LRRC37A3: variants seen among roughly 807,000 people sequenced by gnomAD.
LRRC37A3 encodes the protein leucine rich repeat containing 37 member A3.
LRRC37A3 carries 25 observed loss-of-function variants against 106.2 expected under a neutral mutation model. That is an observed-to-expected ratio of 0.24 (90% CI 0.17 to 0.33). LRRC37A3 has a LOEUF of 0.33. Ranked by LOEUF, LRRC37A3 falls within the 10% of genes least tolerant of loss-of-function variation. The probability of loss-of-function intolerance (pLI) is 1.00; values close to 1 mark genes in which losing one functional copy is unlikely to be tolerated. For synonymous variants in LRRC37A3, 305 were observed against 635.8 expected (o/e 0.48, Z 7.83); for missense variants, 712 against 1,644.9 (o/e 0.43, Z 9.81).
At chr17:64,876,060 G>T (rs1400444385) in intron 8 of LRRC37A3, among the ~76,000 whole-genome samples, 1 of 152,184 alleles carries the variant, frequency 6.6e-6, no homozygotes. Context: ...TTTAGAGATA[G>T]GGTCTCACTA....
Position 64,858,852 on chromosome 17 carries a change from G to A in LRRC37A3, c.4736C>T (p.Thr1579Ile). The change falls in exon 13 of 15, where the codon ACC (threonine) becomes ATC (isoleucine). Residue 1579 changes from threonine to isoleucine, a missense_variant. Transcript: ENST00000584306. The stretch of plus-strand genomic sequence containing the variant: ...AATTAACGCCAAGATGAGTTTTTTG[G>A]TATAGCCATATCCTGGAAGTTCTTT... ...FTKELPGYGY[T>I]KKLILALIVT... 6.2e-7 allele frequency: 1 copy of A among 1,611,864 alleles called. No individual in the cohort carries two copies. The highest frequency in any genetic ancestry group is 8.5e-7 in the Non-Finnish European group (1 of 1,178,760).
intron 8 of LRRC37A3, among the ~76,000 whole-genome samples, chr17:64,878,562 C>T (rs1973588408): frequency 6.6e-6 from 1 of 152,104 alleles, no homozygotes; most frequent in Admixed American, 6.6e-5. Flanking sequence ...ATATAAATGG[C>T]TCATATACAC....
At chr17:64,909,988 G>C (rs1974549568) in intron 2 of LRRC37A3, 1 of 152,106 alleles carries the variant, frequency 6.6e-6, no homozygotes, top group African/African-American at 2.4e-5. Flanking sequence ...TGACCTGGCA[G>C]TTACTGAGGC....
rs1360096231 is a variant in LRRC37A3, at chr17:64,880,437, G to T, written c.2906+5649C>A. On this transcript the variant is annotated intron_variant, in intron 8 of 14. Transcript: ENST00000584306. The stretch of plus-strand genomic sequence containing the variant: ...GTGCTGGGATTAAAGGCATGAGCCA[G>T]CGCGCCCAGCCTCGAGTGTTTTTAG... Among the ~76,000 whole-genome samples, 3 of 152,212 alleles carry T rather than the reference G, an allele frequency of 2.0e-5. No individual in the cohort carries two copies. In the East Asian group the frequency reaches 5.8e-4, roughly 29 times the overall value.
At chr17:64,869,381 A>C (rs1367609625) in intron 8 of LRRC37A3, among the ~76,000 whole-genome samples, 1 of 152,122 alleles carries the variant, frequency 6.6e-6, no homozygotes, top group Non-Finnish European at 1.5e-5. Flanking sequence ...GCGGGGAAGA[A>C]CTACAAGGAA....
chr17:64,875,069 G>A (rs1289245526), intron 8 of LRRC37A3, among the ~76,000 whole-genome samples: 2 of 151,514 alleles, frequency 1.3e-5, no homozygotes, highest in Non-Finnish European at 2.9e-5. Flanking sequence ...CCCCCTCTGC[G>A]AGAAACACCC....
At chr17:64,888,203 CT>C (rs1274232119) in intron 6 of LRRC37A3, among the ~76,000 whole-genome samples, 1 of 128,968 alleles carries the variant, frequency 7.8e-6, no homozygotes, top group African/African-American at 3.3e-5. Context: ...TCCCATTTTC[CT>C]TTTGCAAGTT....
chr17:64,865,721 T>C (rs1973045683), intron 10 of LRRC37A3, among the ~76,000 whole-genome samples: 1 of 152,212 alleles, frequency 6.6e-6, no homozygotes, highest in Non-Finnish European at 1.5e-5. Flanking sequence ...TTCTCCGACA[T>C]AACCAGAGGA....
chr17:64,857,304 A>G (rs916607508), intron 13 of LRRC37A3, among the ~76,000 whole-genome samples: 5 of 152,240 alleles, frequency 3.3e-5, no homozygotes, highest in Admixed American at 3.3e-4. Flanking sequence ...ACAAAAATAC[A>G]AAGATCTTTT....
At position 64,854,625 on chromosome 17, in the gene LRRC37A3, C is replaced by T; in HGVS notation, c.4879G>A (p.Glu1627Lys). The T allele has an allele frequency of 6.2e-7, 1 of 1,613,790 alleles. No homozygotes were observed. Among genetic ancestry groups the T allele is most frequent in the South Asian group, 1.1e-5 (1 of 91,066 alleles). The change falls in exon 15 of 15, where the codon GAG becomes AAG. Residue 1627 changes from glutamate (E) to lysine (K), a missense_variant. Physicochemically the swap from Glu to Lys is moderately conservative, Grantham distance 56 (BLOSUM62 1). Coordinates refer to ENST00000584306, the MANE Select transcript of LRRC37A3 (RefSeq NM_199340.5). ...GFSRDSEAPT[E>K]EESEALP ...TATGGCAGGGCTTCACTCTCCTCCT[C>T]CGTTGGGGCTTCGCTGTCCCTGGGA...
intron 8 of LRRC37A3, among the ~76,000 whole-genome samples, chr17:64,870,117 G>A (rs1261671470): frequency 7.1e-6 from 1 of 140,128 alleles, no homozygotes; most frequent in Non-Finnish European, 1.5e-5. Context: ...CTGAGACGGA[G>A]TCTCACTCTG....
At chr17:64,856,670 A>G (rs2143353272) in intron 13 of LRRC37A3, among the ~76,000 whole-genome samples, 1 of 148,550 alleles carries the variant, frequency 6.7e-6, no homozygotes, top group South Asian at 2.2e-4. Context: ...AGGGTCTTGC[A>G]TGCAGCTGGC....
intron 10 of LRRC37A3, among the ~76,000 whole-genome samples, chr17:64,864,829 C>T (rs1973001138): frequency 6.6e-6 from 1 of 151,832 alleles, no homozygotes; most frequent in South Asian, 2.1e-4. Context: ...TATTGTGTTG[C>T]AGAGGTTGTG....
intron 10 of LRRC37A3, among the ~76,000 whole-genome samples, chr17:64,865,244 A>G (rs1375738749): frequency 6.6e-6 from 1 of 152,160 alleles, no homozygotes; most frequent in African/African-American, 2.4e-5. Context: ...CCTGTGCTCA[A>G]GTGATCCTCC....
chr17:64,868,428 A>G (rs369673592), intron 10 of LRRC37A3, 34 bp downstream of exon 10: 70 of 1,607,788 alleles, frequency 4.4e-5, no homozygotes, highest in Middle Eastern at 3.3e-4. Context: ...AGAAACAACT[A>G]CGTAAAAATA....
chr17:64,868,500 A>C lies in LRRC37A3; in HGVS notation c.3015T>G (p.Leu1005=). Residue 1005 remains leucine, a synonymous_variant, in exon 10 of 15, where the codon CTT becomes CTG. Coordinates refer to ENST00000584306, the MANE Select transcript of LRRC37A3 (RefSeq NM_199340.5). ...MGTTLVPLTT[L]KNILMMTVEL... is the part of the protein sequence containing the mutation. ...CAACAGTCATCATGAGAATGTTCTT[A>C]AGTGTTGTAAGTGGGACTAGCGTTG... 6.2e-7 allele frequency: 1 copy of C among 1,610,588 alleles called. No individual in the cohort carries two copies. Among genetic ancestry groups the C allele is most frequent in the East Asian group, 2.2e-5 (1 of 44,842 alleles).
intron 8 of LRRC37A3, chr17:64,871,612 AC>A (rs1312060092): frequency 6.6e-6 from 1 of 151,850 alleles, no homozygotes; most frequent in Non-Finnish European, 1.5e-5. Context: ...GGGCTGGTAC[AC>A]CCCTTTTTAG....
At chr17:64,855,052 G>A (rs1972631403) in intron 14 of LRRC37A3, among the ~76,000 whole-genome samples, 1 of 152,122 alleles carries the variant, frequency 6.6e-6, no homozygotes, top group Non-Finnish European at 1.5e-5. Flanking sequence ...GGTCAGGCTG[G>A]TCACGAGCTC....
In LRRC37A3 at chr17:64,860,517, G is replaced by A. The variant is rs766009680; in HGVS notation, c.3629C>T (p.Ala1210Val). Residue 1210 changes from alanine to valine, a missense_variant, in exon 12 of 15, where the codon GCC becomes GTC. Physicochemically the swap from Ala to Val is moderately conservative, Grantham distance 64 (BLOSUM62 0). Transcript: ENST00000584306. ...TAEEKRLGSP[A>V]PRELKQPHTQ... ...GTGAGGCTGTTTCAGCTCCCTTGGG[G>A]CTGGACTTCCGAGCCTTTTTTCTTC... 1.2e-6 allele frequency: 2 copies of A among 1,612,914 alleles called. No individual in the cohort carries two copies. The highest frequency in any genetic ancestry group is 2.2e-5 in the South Asian group (2 of 91,028).
Sources: gnomAD v4.1 joint callset for allele counts (sites outside exome capture counted in the v4.1 genomes callset) on GRCh38, gnomAD v4.1.1 for gene constraint, MANE v1.5 for transcripts, NCBI Gene and HGNC (gene_info 2026-07-23, HGNC 2026-07-21) for gene names.